Variants in GNG7 observed in about 807,000 individuals in gnomAD.
The protein encoded by GNG7 is G protein subunit gamma 7.
A neutral mutation model predicts 4.0 loss-of-function variants in GNG7; 1 was observed. That is an observed-to-expected ratio of 0.25 (90% confidence interval 0.09 to 1.18). The LOEUF is 1.18. Ranked by LOEUF, GNG7 falls within the 50% of genes most tolerant of loss-of-function variation. The pLI is 0.50. For synonymous variants in GNG7, 34 were observed against 36.9 expected (o/e 0.92, Z 0.29); for missense variants, 86 against 91.9 (o/e 0.94, Z 0.26).
chr19:2,587,307 T>C (rs530825673), intron 2 of GNG7, among the ~76,000 whole-genome samples: 1 of 152,212 alleles, frequency 6.6e-6, no homozygotes, highest in East Asian at 1.9e-4. Context: ...CTCCTGTCCC[T>C]CCGACCTCAC....
chr19:2,567,638 C>T (rs1389123899), intron 2 of GNG7, among the ~76,000 whole-genome samples: 2 of 152,048 alleles, frequency 1.3e-5, no homozygotes, highest in Non-Finnish European at 2.9e-5. Context: ...TGTCCTCTGT[C>T]GTATCCTACT....
intron 2 of GNG7, among the ~76,000 whole-genome samples, chr19:2,580,047 C>A (rs1317223659): frequency 1.3e-5 from 2 of 152,060 alleles, no homozygotes; most frequent in African/African-American, 4.8e-5. Context: ...ACCATTGCAC[C>A]CCCCCAGTGC....
intron 2 of GNG7, among the ~76,000 whole-genome samples, chr19:2,605,481 G>A (rs1014008493): frequency 3.4e-5 from 5 of 147,040 alleles, no homozygotes; most frequent in Admixed American, 6.9e-5. Flanking sequence ...TTACAGGTGT[G>A]AGCCACCACA....
intron 1 of GNG7, chr19:2,701,257 C>G (rs911347845): frequency 1.3e-5 from 2 of 151,894 alleles, no homozygotes; most frequent in Non-Finnish European, 2.9e-5. Flanking sequence ...AGGGGTGAGT[C>G]CTCTCCAAAT....
At chr19:2,649,382 C>A (rs1982749071) in intron 1 of GNG7, among the ~76,000 whole-genome samples, 1 of 75,288 alleles carries the variant, frequency 1.3e-5, no homozygotes, top group African/African-American at 4.9e-5. Context: ...TAGACGCTCA[C>A]CCCTAGGAAT....
At chr19:2,532,704 G>C (rs1978633305) in intron 3 of GNG7, among the ~76,000 whole-genome samples, 1 of 152,160 alleles carries the variant, frequency 6.6e-6, no homozygotes, top group African/African-American at 2.4e-5. Flanking sequence ...GGTGTCTAAT[G>C]ATTAGTCATG....
At chr19:2,616,460 G>A (rs1244661665) in intron 2 of GNG7, among the ~76,000 whole-genome samples, 3 of 152,044 alleles carry the variant, frequency 2.0e-5, no homozygotes, top group African/African-American at 7.2e-5. Context: ...AGCCAGGCTA[G>A]AGACTCCATC....
In GNG7 at chr19:2,650,870, G is replaced by A. The variant is rs141744774; in HGVS notation, c.-134-4590C>T. Among the ~76,000 whole-genome samples the A allele has an allele frequency of 6.3e-3, 954 of 152,326 alleles. 1 individual carries two copies. The highest frequency in any genetic ancestry group is 0.021 in the African/African-American group (885 of 41,576). On this transcript the variant is annotated intron_variant, in intron 1 of 4. Coordinates refer to ENST00000382159, the MANE Select transcript of GNG7 (RefSeq NM_052847.3). ...AAGGAGGAGAGACCTCTCCGCGGGG[G>A]TTAGGTCCCCTCAGAAACTGCCGAG...
chr19:2,624,528 CAA>C (rs921061279), intron 2 of GNG7, among the ~76,000 whole-genome samples: 18 of 62,458 alleles, frequency 2.9e-4, no homozygotes, highest in African/African-American at 3.6e-4. Flanking sequence ...GACTCCGTCT[CAA>C]AAAAAAAAAA....
chr19:2,661,270 A>AAAGAAAGGAAGGAAGGAAGG (rs1568277669), intron 1 of GNG7, among the ~76,000 whole-genome samples: 3 of 70,928 alleles, frequency 4.2e-5, no homozygotes, highest in African/African-American at 6.5e-5. Flanking sequence ...AGAAAGAAAG[A>AAAGAAAGGAAGGAAGGAAGG]AAAGAAAGAA....
intron 4 of GNG7, 64 bp downstream of exon 4, chr19:2,520,544 G>T: frequency 1.2e-6 from 1 of 858,650 alleles, no homozygotes; most frequent in Non-Finnish European, 1.9e-6. Flanking sequence ...CGAGCCTCCT[G>T]TTCATCATTT....
At chr19:2,607,796 G>A (rs1229810767) in intron 2 of GNG7, among the ~76,000 whole-genome samples, 1 of 151,958 alleles carries the variant, frequency 6.6e-6, no homozygotes, top group Non-Finnish European at 1.5e-5. Flanking sequence ...AGCTGTCATC[G>A]TGGGCACTGG....
chr19:2,668,288 T>C (rs1437489700), intron 1 of GNG7, among the ~76,000 whole-genome samples: 8 of 151,482 alleles, frequency 5.3e-5, no homozygotes, highest in Non-Finnish European at 7.4e-5. Flanking sequence ...TAGAAAATGC[T>C]GTAAAATGTG....
chr19:2,698,635 G>A (rs987699876), intron 1 of GNG7, among the ~76,000 whole-genome samples: 8 of 152,006 alleles, frequency 5.3e-5, no homozygotes, highest in East Asian at 1.9e-4. Flanking sequence ...GACCAGGCAC[G>A]ACCTTCCTGT....
chr19:2,592,592 C>T (rs1005730995), intron 2 of GNG7, among the ~76,000 whole-genome samples: 1 of 151,764 alleles, frequency 6.6e-6, no homozygotes, highest in African/African-American at 2.4e-5. Flanking sequence ...TAAAAAGCAT[C>T]CAGGTGTGCT....
Position 2,659,610 on chromosome 19 carries a change from A to AAAAAAAAG in GNG7, c.-134-13331_-134-13330insCTTTTTTT, listed in dbSNP as rs5826778. On this transcript the variant is annotated intron_variant, in intron 1 of 4. Transcript: ENST00000382159. ...TCCATCTTAAAAAAAAAAAAAAAAA[A>AAAAAAAAG]AGAGAGGAGGGGAGGGAAAGAGGGA... Among the ~76,000 whole-genome samples the AAAAAAAAG allele has an allele frequency of 4.0e-4, 49 of 121,468 alleles. 3 individuals carry two copies. Among genetic ancestry groups the AAAAAAAAG allele is most frequent in the African/African-American group, 1.1e-3 (34 of 30,596 alleles). 79.7% of individuals were successfully genotyped at this position (121,468 alleles called of 152,430 possible). A position where few individuals can be genotyped will look rare whatever the true frequency, so the allele number is the denominator to read the frequency against.
At chr19:2,529,859 C>T (rs1037126476) in intron 3 of GNG7, among the ~76,000 whole-genome samples, 10 of 152,142 alleles carry the variant, frequency 6.6e-5, no homozygotes, top group African/African-American at 1.9e-4. Context: ...ATGGAAAATC[C>T]GGGCTCGCAC....
At chr19:2,624,060 C>T (rs1016667042) in intron 2 of GNG7, among the ~76,000 whole-genome samples, 3 of 151,586 alleles carry the variant, frequency 2.0e-5, no homozygotes, top group Non-Finnish European at 4.4e-5. Context: ...GGGAAGGGGA[C>T]GGGGAGCAAG....
At chr19:2,564,631 G>A (rs1009999382) in intron 2 of GNG7, among the ~76,000 whole-genome samples, 7 of 152,180 alleles carry the variant, frequency 4.6e-5, no homozygotes, top group African/African-American at 1.7e-4. Context: ...GAGAGGACAT[G>A]GCTGTGTGGA....
Sources: allele counts gnomAD v4.1 joint callset (sites outside exome capture counted in the v4.1 genomes callset), GRCh38; gene constraint gnomAD v4.1.1; transcripts MANE v1.5; gene names NCBI Gene and HGNC (gene_info 2026-07-23, HGNC 2026-07-21).